ALX4: variants seen among roughly 807,000 people sequenced by gnomAD.
ALX4 encodes the protein ALX homeobox 4.
ALX4 carries 22 observed loss-of-function variants against 40.6 expected under a neutral mutation model. The ratio of observed to expected loss-of-function variants is 0.54; its 90% confidence interval spans 0.39 to 0.77. The LOEUF (loss-of-function observed/expected upper bound fraction) is 0.77, where lower values mean the gene tolerates loss of function less well. ALX4 is among the 30% of genes least tolerant of loss of function. The pLI is 0.00. For synonymous variants in ALX4, 266 were observed against 240.5 expected (o/e 1.11, Z -0.98); for missense variants, 556 against 564.8 (o/e 0.98, Z 0.16).
intron 2 of ALX4, among the ~76,000 whole-genome samples, chr11:44,274,906 C>G (rs1956268579): frequency 6.6e-6 from 1 of 152,186 alleles, no homozygotes; most frequent in South Asian, 2.1e-4. Context: ...GAAGGAAGAG[C>G]TAAACTGTTC....
At chr11:44,290,370 A>T (rs1349987970) in intron 1 of ALX4, among the ~76,000 whole-genome samples, 2 of 151,746 alleles carry the variant, frequency 1.3e-5, no homozygotes, top group Non-Finnish European at 2.9e-5. Flanking sequence ...CTTATTTGCT[A>T]CATTGATTCA....
At chr11:44,281,980 G>A (rs1202965156) in intron 1 of ALX4, among the ~76,000 whole-genome samples, 1 of 152,194 alleles carries the variant, frequency 6.6e-6, no homozygotes. Flanking sequence ...CTCACCCACA[G>A]CCACCAACCC....
At chr11:44,306,244 C>T (rs536457023) in intron 1 of ALX4, among the ~76,000 whole-genome samples, 2 of 152,346 alleles carry the variant, frequency 1.3e-5, no homozygotes, top group South Asian at 4.1e-4. Flanking sequence ...TCTTTTAGCA[C>T]ATTTGGGGAA....
chr11:44,298,643 C>T (rs894945892), intron 1 of ALX4, among the ~76,000 whole-genome samples: 11 of 152,044 alleles, frequency 7.2e-5, no homozygotes, highest in Admixed American at 6.5e-4. Flanking sequence ...GCAGTCAGAC[C>T]GCAGGCCTGT....
chr11:44,296,924 G>A (rs1157547876), intron 1 of ALX4, among the ~76,000 whole-genome samples: 1 of 149,750 alleles, frequency 6.7e-6, no homozygotes, highest in Non-Finnish European at 1.5e-5. Context: ...CAAGAGAATC[G>A]CTTGAACCCG....
chr11:44,281,205 G>A (rs1166073123), intron 1 of ALX4, among the ~76,000 whole-genome samples: 2 of 151,850 alleles, frequency 1.3e-5, no homozygotes, highest in African/African-American at 2.4e-5. Context: ...ATGTACAGAT[G>A]TACACCCGAG....
intron 2 of ALX4, among the ~76,000 whole-genome samples, chr11:44,271,157 A>AC (rs77087544): frequency 0.71 from 88,123 of 124,900 alleles, 26,462 homozygotes; most frequent in African/African-American, 0.72. Flanking sequence ...CCACCCCCTT[A>AC]CCCCCCCAGG....
intron 1 of ALX4, among the ~76,000 whole-genome samples, chr11:44,301,611 T>C (rs527629224): frequency 1.3e-5 from 2 of 152,316 alleles, no homozygotes; most frequent in South Asian, 4.1e-4. Context: ...CCCTATTTGA[T>C]GCACAGAGAG....
chr11:44,298,987 T>C (rs1230095622), intron 1 of ALX4, among the ~76,000 whole-genome samples: 1 of 152,122 alleles, frequency 6.6e-6, no homozygotes, highest in African/African-American at 2.4e-5. Flanking sequence ...GAGCATCTAC[T>C]ATATAGACTA....
chr11:44,302,464 C>T (rs771556614), intron 1 of ALX4, among the ~76,000 whole-genome samples: 8 of 152,214 alleles, frequency 5.3e-5, no homozygotes, highest in South Asian at 2.1e-4. Flanking sequence ...TTCCAGCCAG[C>T]GAACATTTGT....
At chr11:44,307,261 C>T (rs1037765060) in intron 1 of ALX4, among the ~76,000 whole-genome samples, 2 of 152,216 alleles carry the variant, frequency 1.3e-5, no homozygotes, top group Non-Finnish European at 2.9e-5. Context: ...TTTCTGTTAT[C>T]ACCCCAGGAT....
Position 44,262,951 on chromosome 11 carries a change from A to G in ALX4, c.*1903T>C, listed in dbSNP as rs547143560. 1 of 152,352 alleles carries G rather than the reference A, an allele frequency of 6.6e-6. No homozygotes were observed. The highest frequency in any genetic ancestry group is 2.4e-5 in the African/African-American group (1 of 41,574). 9.4% of individuals were successfully genotyped at this position (152,352 alleles called of 1,614,324 possible). A position where few individuals can be genotyped will look rare whatever the true frequency, so the allele number is the denominator to read the frequency against. ...CACTTAAAGCCAAGCCTCCAAGAAC[A>G]TTTAATTCAATGTCCAAGACCCTTT... On this transcript the variant is annotated 3_prime_UTR_variant, in exon 4 of 4. Transcript: ENST00000652299.
Position 44,265,166 on chromosome 11 carries a change from C to T in ALX4, c.924G>A (p.Trp308Ter). 6.2e-7 allele frequency: 1 copy of T among 1,604,058 alleles called. No individual in the cohort carries two copies. Among genetic ancestry groups the T allele is most frequent in the Non-Finnish European group, 8.5e-7 (1 of 1,174,092 alleles). ...ENYAQIQNPS[W>*]LGNNGAASPV... ...GTGAGGCAGCCCCGTTGTTGCCGAG[C>T]CAGGACGGGTTCTGAATCTGGGAGA... Residue 308 changes from tryptophan (W) to a stop codon, truncating the protein, a stop_gained, in exon 4 of 4, where the codon TGG becomes TGA. Coordinates refer to ENST00000652299, the MANE Select transcript of ALX4 (RefSeq NM_021926.4). LOFTEE classifies it high-confidence loss of function.
chr11:44,276,592 C>T (rs12289350), intron 1 of ALX4, among the ~76,000 whole-genome samples: 2,564 of 152,354 alleles, frequency 0.017, 47 homozygotes, highest in African/African-American at 0.051. Context: ...ACCACACAGC[C>T]TGGTGAGCTT....
At chr11:44,290,957 C>T (rs772952179) in intron 1 of ALX4, among the ~76,000 whole-genome samples, 10 of 152,172 alleles carry the variant, frequency 6.6e-5, no homozygotes, top group Non-Finnish European at 1.3e-4. Flanking sequence ...TGAATTTGGC[C>T]GTGGCAGCTG....
At chr11:44,284,488 A>C (rs1565004493) in intron 1 of ALX4, among the ~76,000 whole-genome samples, 1 of 152,202 alleles carries the variant, frequency 6.6e-6, no homozygotes, top group Non-Finnish European at 1.5e-5. Context: ...CAAATTATTC[A>C]TTATTCAAAT....
At chr11:44,307,666 C>T (rs1398452106) in intron 1 of ALX4, among the ~76,000 whole-genome samples, 1 of 152,236 alleles carries the variant, frequency 6.6e-6, no homozygotes, top group African/African-American at 2.4e-5. Flanking sequence ...TGCGACCTGC[C>T]CTCACCTAAT....
intron 1 of ALX4, among the ~76,000 whole-genome samples, chr11:44,282,574 C>A (rs547182972): frequency 2.0e-5 from 3 of 152,306 alleles, no homozygotes; most frequent in East Asian, 3.9e-4. Context: ...GGAGACACCC[C>A]CAAGTGTCCT....
Position 44,264,946 on chromosome 11 carries a change from G to A in ALX4, c.1144C>T (p.Leu382Phe). The stretch of plus-strand genomic sequence containing the variant: ...GTCTTGCGGTCCGGCTCGCCGTTGA[G>A]CTCGTAGCCATTGAGGCCTGGGCTG... The part of the protein sequence containing the change: ...SLSPGLNGYE[L>F]NGEPDRKTSS... The change falls in exon 4 of 4, where the codon CTC (leucine) becomes TTC (phenylalanine). Residue 382 changes from leucine (L) to phenylalanine (F), a missense_variant. By Grantham distance (22) the Leu-to-Phe change is conservative. Coordinates refer to ENST00000652299, the MANE Select transcript of ALX4 (RefSeq NM_021926.4). The A allele has an allele frequency of 6.2e-7, 1 of 1,613,138 alleles. No homozygotes were observed. Among genetic ancestry groups the A allele is most frequent in the Non-Finnish European group, 8.5e-7 (1 of 1,179,948 alleles).
Sources: gnomAD v4.1 joint callset for allele counts (sites outside exome capture counted in the v4.1 genomes callset) on GRCh38, gnomAD v4.1.1 for gene constraint, MANE v1.5 for transcripts, NCBI Gene and HGNC (gene_info 2026-07-23, HGNC 2026-07-21) for gene names.